NCAPD2: variants seen among roughly 807,000 people sequenced by gnomAD.
The protein encoded by NCAPD2 is condensin complex subunit 1.
In NCAPD2, 100 loss-of-function variants were observed where a neutral mutation model predicts 164.5. The ratio of observed to expected loss-of-function variants is 0.61; its 90% confidence interval spans 0.52 to 0.72. The LOEUF is 0.72. Among genes scored for constraint, NCAPD2 ranks in the 30% least tolerant of loss-of-function variants. The pLI, the probability that NCAPD2 is intolerant of heterozygous loss-of-function variation, is 0.00. For synonymous variants in NCAPD2, 585 were observed against 642.6 expected (o/e 0.91, Z 1.36); for missense variants, 1,560 against 1,749.2 (o/e 0.89, Z 1.93).
At chr12:6,496,641 T>C (rs1479444219) in intron 2 of NCAPD2, among the ~76,000 whole-genome samples, 1 of 151,524 alleles carries the variant, frequency 6.6e-6, no homozygotes. Flanking sequence ...CCCAGGCTGG[T>C]CTCGAACTTC....
chr12:6,520,893 G>T, intron 13 of NCAPD2, 93 bp from the exon 14 acceptor site: 1 of 1,545,692 alleles, frequency 6.5e-7, no homozygotes, highest in Non-Finnish European at 8.8e-7. Context: ...CTGGGCAGTA[G>T]GTCCAGGGAC....
rs1478194264 is a variant in NCAPD2 at position 6,528,028 on chromosome 12, T to G, written c.3080T>G (p.Leu1027Arg). The change falls in exon 24 of 32, where the codon CTC (leucine) becomes CGC (arginine). Residue 1027 changes from leucine (L) to arginine (R), a missense_variant. By Grantham distance (102) the Leu-to-Arg change is moderately radical (BLOSUM62 -2). Transcript: ENST00000315579. This position sits in a 1 kb window ranked among gnomAD's most constrained non-coding sequence, Gnocchi z 5.1. ...LLLKVCNNPG[L>R]YSNPDLSAAA... The stretch of plus-strand genomic sequence containing the variant: ...CTTAAAGTCTGTAACAACCCAGGCC[T>G]CTATAGCAACCCAGACCTCTCTGCA... The G allele has an allele frequency of 1.2e-6, 2 of 1,614,216 alleles. No homozygotes were observed. The highest frequency in any genetic ancestry group is 1.7e-6 in the Non-Finnish European group (2 of 1,180,040).
intron 5 of NCAPD2, 125 bp downstream of exon 5, chr12:6,510,935 T>C: frequency 1.5e-6 from 2 of 1,326,644 alleles, no homozygotes; most frequent in South Asian, 1.4e-5. Flanking sequence ...GAGAAAGAAC[T>C]CAAAAGTGTC....
At chr12:6,510,998 G>T in intron 5 of NCAPD2, 112 bp from the exon 6 acceptor site, 1 of 1,332,538 alleles carries the variant, frequency 7.5e-7, no homozygotes, top group South Asian at 1.4e-5. Flanking sequence ...TATTTCTTCC[G>T]TATTACCTTC....
intron 17 of NCAPD2, among the ~76,000 whole-genome samples, chr12:6,524,790 A>G (rs1298369359): frequency 6.6e-6 from 1 of 152,170 alleles, no homozygotes; most frequent in African/African-American, 2.4e-5. Context: ...TTTTAGTGAG[A>G]CATTCTGCTT....
chr12:6,504,236 T>TAC (rs1233338685), intron 2 of NCAPD2, among the ~76,000 whole-genome samples: 1 of 95,800 alleles, frequency 1.0e-5, no homozygotes, highest in African/African-American at 3.8e-5. Flanking sequence ...TATATATATA[T>TAC]ATATATACCA....
chr12:6,499,739 C>T (rs768521993), intron 2 of NCAPD2, among the ~76,000 whole-genome samples: 2 of 152,128 alleles, frequency 1.3e-5, no homozygotes, highest in Non-Finnish European at 2.9e-5. Flanking sequence ...AGATTGACCA[C>T]GGGTAACTGA....
At chr12:6,498,546 C>G (rs1175469436) in intron 2 of NCAPD2, among the ~76,000 whole-genome samples, 1 of 152,166 alleles carries the variant, frequency 6.6e-6, no homozygotes, top group East Asian at 1.9e-4. Context: ...ATGGTTTTTT[C>G]CCTCTACCTG....
rs2137059588 is a variant in NCAPD2, at chr12:6,526,370, A to G, written c.2565A>G (p.Lys855=). Reference sequence around the variant, plus strand: ...AGCGACTGCGGGAGACAGTCACAAAAGGTGAGCTCTCAGGGAAGGCCTTGG... The same window carrying G: ...AGCGACTGCGGGAGACAGTCACAAAGGGTGAGCTCTCAGGGAAGGCCTTGG... The part of the protein sequence containing the change: ...LFERLRETVT[K]GFVHPDPLWI... Residue 855 remains lysine, a splice_region_variant and synonymous_variant, in exon 20 of 32, where the codon AAA becomes AAG. Coordinates refer to ENST00000315579, the MANE Select transcript of NCAPD2 (RefSeq NM_014865.4). 6.2e-7 allele frequency: 1 copy of G among 1,614,170 alleles called. No homozygotes were observed. Among genetic ancestry groups the G allele is most frequent in the East Asian group, 2.2e-5 (1 of 44,882 alleles).
At chr12:6,511,282 C>G in intron 6 of NCAPD2, 30 bp downstream of exon 6, 2 of 1,606,744 alleles carry the variant, frequency 1.2e-6, no homozygotes, top group Non-Finnish European at 1.7e-6. Context: ...ACAGATAATA[C>G]TGAGCTGTGA....
At chr12:6,521,503 G>T (rs543625800) in intron 14 of NCAPD2, among the ~76,000 whole-genome samples, 1 of 152,136 alleles carries the variant, frequency 6.6e-6, no homozygotes, top group Non-Finnish European at 1.5e-5. Context: ...GCAACATGAC[G>T]AAACCCCCAT....
intron 2 of NCAPD2, among the ~76,000 whole-genome samples, chr12:6,504,391 T>A (rs1321195059): frequency 6.6e-6 from 1 of 151,602 alleles, no homozygotes; most frequent in Admixed American, 6.6e-5. Flanking sequence ...ACAGTTTTTT[T>A]ATTTTGTTTT....
intron 2 of NCAPD2, among the ~76,000 whole-genome samples, chr12:6,498,391 A>AATGACAAAGTTCTTCCTTTC (rs1485725654): frequency 6.6e-6 from 1 of 152,202 alleles, no homozygotes; most frequent in Non-Finnish European, 1.5e-5. Context: ...AAACAGACAA[A>AATGACAAAGTTCTTCCTTTC]ATGACAAAGT....
Position 6,528,404 on chromosome 12 carries a change from A to G in NCAPD2, c.3299+76A>G. 1 of 1,577,334 alleles carries G rather than the reference A, an allele frequency of 6.3e-7. No individual in the cohort carries two copies. The highest frequency in any genetic ancestry group is 2.2e-5 in the East Asian group (1 of 44,626). ...GTTGAGAGTCAGTGTGAGAATCACC[A>G]GGGCTCTTCCCCTAGGCTTTGGCAT... On this transcript the variant is annotated intron_variant, in intron 25 of 31. Coordinates refer to ENST00000315579, the MANE Select transcript of NCAPD2 (RefSeq NM_014865.4). The surrounding 1 kb of genome is among the most constrained non-coding windows in gnomAD (Gnocchi z 5.1).
At position 6,517,382 on chromosome 12, in the gene NCAPD2, T is replaced by C. The variant is rs771729464; in HGVS notation, c.1203T>C (p.Arg401=). 1 of 1,614,146 alleles carries C rather than the reference T, an allele frequency of 6.2e-7. No homozygotes were observed. ...IVQQKALPLT[R]FQAVVALAVG... is the part of the protein sequence containing the mutation. ...CTACACAGGCTCTCCCCCTGACACG[T>C]TTCCAGGCAGTGGTGGCTTTAGCTG... Residue 401 remains arginine (R), a synonymous_variant, in exon 11 of 32, where the codon CGT becomes CGC. Transcript: ENST00000315579.
At chr12:6,516,294 G>A (rs1454591303) in intron 9 of NCAPD2, among the ~76,000 whole-genome samples, 3 of 149,396 alleles carry the variant, frequency 2.0e-5, no homozygotes, top group Non-Finnish European at 4.5e-5. Flanking sequence ...ACGAGGTCAG[G>A]AGTTTGAGAC....
chr12:6,513,680 T>C (rs1463389767), intron 6 of NCAPD2, among the ~76,000 whole-genome samples: 1 of 149,840 alleles, frequency 6.7e-6, no homozygotes, highest in African/African-American at 2.5e-5. Flanking sequence ...AATCAGTCGT[T>C]ATATTTAGGA....
chr12:6,501,547 G>C (rs1049495753), intron 2 of NCAPD2, among the ~76,000 whole-genome samples: 1 of 152,196 alleles, frequency 6.6e-6, no homozygotes, highest in Non-Finnish European at 1.5e-5. Context: ...CTGAGATGGG[G>C]TAGCATATGG....
At chr12:6,503,785 T>A (rs7485703) in intron 2 of NCAPD2, among the ~76,000 whole-genome samples, 58 of 94,034 alleles carry the variant, frequency 6.2e-4, no homozygotes, top group Admixed American at 2.9e-3. Context: ...TTTTTTTTTT[T>A]TAAAAAAGAT....
Sources: gnomAD v4.1 joint callset for allele counts (sites outside exome capture counted in the v4.1 genomes callset) on GRCh38, gnomAD v4.1.1 for gene constraint, Gnocchi (gnomAD v3.1) non-coding constraint, MANE v1.5 for transcripts, NCBI Gene and HGNC (gene_info 2026-07-23, HGNC 2026-07-21) for gene names.